CTNND2: variants seen among roughly 807,000 people sequenced by gnomAD.
CTNND2 encodes the protein catenin delta-2.
In CTNND2, 22 loss-of-function variants were observed where a neutral mutation model predicts 144.4. The ratio of observed to expected loss-of-function variants is 0.15; its 90% CI spans 0.11 to 0.22. The LOEUF is 0.22. CTNND2 is among the 10% of genes least tolerant of loss of function. The probability of loss-of-function intolerance (pLI) is 1.00; values close to 1 mark genes in which losing one functional copy is unlikely to be tolerated. For missense variants in CTNND2, 1,353 were observed against 1,618.8 expected (o/e 0.84, Z 2.82); for synonymous variants, 751 against 695.6 (o/e 1.08, Z -1.25).
rs927315516 is a variant in CTNND2 at position 11,199,771 on chromosome 5, G to A, written c.1762-110C>T. 4 of 749,182 alleles carry A rather than the reference G, an allele frequency of 5.3e-6. No homozygotes were observed. In the East Asian group the frequency reaches 1.0e-4, roughly 20 times the overall value. The allele number at this position is 749,182 out of a possible 1,614,324, so 46.4% of individuals were successfully genotyped here. On this transcript the variant is annotated intron_variant, in intron 10 of 21. Transcript: ENST00000304623. ...TGCTAACAATTAATCGCACCAAACT[G>A]AATTAAGGCATACAAAAGGAAACAA...
At chr5:11,460,045 A>ACCC (rs1437612498) in intron 3 of CTNND2, among the ~76,000 whole-genome samples, 3 of 152,222 alleles carry the variant, frequency 2.0e-5, no homozygotes, top group Non-Finnish European at 2.9e-5. Context: ...CATGTTGACA[A>ACCC]GATCACCCGA....
chr5:11,548,157 T>C (rs1471039883), intron 3 of CTNND2, among the ~76,000 whole-genome samples: 2 of 152,214 alleles, frequency 1.3e-5, no homozygotes, highest in African/African-American at 2.4e-5. Flanking sequence ...AACATATTTA[T>C]GTAAAATTCA....
chr5:11,434,875 T>TC (rs1427717897), intron 3 of CTNND2, among the ~76,000 whole-genome samples: 4 of 152,022 alleles, frequency 2.6e-5, no homozygotes, highest in African/African-American at 9.7e-5. Flanking sequence ...GGCCAAATTC[T>TC]CCAAGTAAAT....
intron 7 of CTNND2, among the ~76,000 whole-genome samples, chr5:11,368,543 A>T (rs1379063672): frequency 1.3e-5 from 2 of 152,188 alleles, no homozygotes; most frequent in East Asian, 3.8e-4. Flanking sequence ...CTATGTTGAC[A>T]CGTTTAATCC....
At chr5:11,751,750 G>A (rs1006549552) in intron 1 of CTNND2, among the ~76,000 whole-genome samples, 2 of 151,864 alleles carry the variant, frequency 1.3e-5, no homozygotes, top group African/African-American at 4.8e-5. Context: ...TTGCTGGGTT[G>A]AATGACACTT....
At chr5:11,245,418 A>G (rs1016292468) in intron 9 of CTNND2, among the ~76,000 whole-genome samples, 1 of 152,198 alleles carries the variant, frequency 6.6e-6, no homozygotes, top group Non-Finnish European at 1.5e-5. Context: ...AAATGCCATC[A>G]TAAGTGTCCT....
chr5:11,591,444 CT>C (rs538886686), intron 2 of CTNND2, among the ~76,000 whole-genome samples: 1 of 152,208 alleles, frequency 6.6e-6, no homozygotes, highest in Admixed American at 6.5e-5. Context: ...CATCTATTGC[CT>C]TTTTTTCTCT....
At chr5:11,585,474 T>TTATCTATCTATATC (rs1265521695) in intron 2 of CTNND2, among the ~76,000 whole-genome samples, 8 of 96,708 alleles carry the variant, frequency 8.3e-5, no homozygotes, top group African/African-American at 3.1e-4. Flanking sequence ...TTTATATATT[T>TTATCTATCTATATC]TATCTATGTA....
At chr5:11,853,427 T>C (rs1582007477) in intron 1 of CTNND2, among the ~76,000 whole-genome samples, 1 of 152,286 alleles carries the variant, frequency 6.6e-6, no homozygotes, top group South Asian at 2.1e-4. Flanking sequence ...CTCAGTGGTC[T>C]TACCACCTCC....
At chr5:11,352,048 A>G (rs528682192) in intron 8 of CTNND2, among the ~76,000 whole-genome samples, 12 of 152,342 alleles carry the variant, frequency 7.9e-5, no homozygotes, top group Admixed American at 7.2e-4. Flanking sequence ...TGTACTCAGC[A>G]CAAGTTGATC....
chr5:11,202,175 C>A (rs1331705805), intron 10 of CTNND2, among the ~76,000 whole-genome samples: 1 of 152,010 alleles, frequency 6.6e-6, no homozygotes, highest in Admixed American at 6.6e-5. Flanking sequence ...GCATTTTATT[C>A]ATATGTATAT....
At chr5:11,180,477 A>G (rs901491607) in intron 11 of CTNND2, among the ~76,000 whole-genome samples, 3 of 152,222 alleles carry the variant, frequency 2.0e-5, no homozygotes, top group African/African-American at 7.2e-5. Context: ...AGAAAGAAAC[A>G]TAATAGCGAT....
In CTNND2 at chr5:11,022,942, T is replaced by A; in HGVS notation, c.2826A>T (p.Pro942=). The A allele has an allele frequency of 6.2e-7, 1 of 1,614,168 alleles. No individual in the cohort carries two copies. The highest frequency in any genetic ancestry group is 1.3e-5 in the African/African-American group (1 of 75,028). Residue 942 remains proline (P), a synonymous_variant, in exon 17 of 22, where the codon CCA becomes CCT. Transcript: ENST00000304623. ...YAMRDLVHRL[P]GGNNSNNTAS... ...CAGTGTTGTTGCTGTTGTTCCCTCC[T>A]GGAAGCCTGTGGACTAGGTCTCGCA...
chr5:11,424,796 T>C (rs1374821823), intron 3 of CTNND2, among the ~76,000 whole-genome samples: 1 of 151,998 alleles, frequency 6.6e-6, no homozygotes, highest in Non-Finnish European at 1.5e-5. Flanking sequence ...TTTAAAAGAT[T>C]GGGAATAGTG....
At chr5:11,260,948 C>T (rs902927595) in intron 9 of CTNND2, among the ~76,000 whole-genome samples, 2 of 152,014 alleles carry the variant, frequency 1.3e-5, no homozygotes, top group South Asian at 4.2e-4. Context: ...GTAATTATGA[C>T]GGGCCTGAGA....
chr5:11,681,193 A>G (rs1784408107), intron 2 of CTNND2, among the ~76,000 whole-genome samples: 1 of 152,202 alleles, frequency 6.6e-6, no homozygotes, highest in African/African-American at 2.4e-5. Context: ...TAAGAGGAAA[A>G]CCAAAGGAGA....
chr5:11,689,357 C>T (rs1022808708), intron 2 of CTNND2, among the ~76,000 whole-genome samples: 3 of 152,138 alleles, frequency 2.0e-5, no homozygotes, highest in Non-Finnish European at 4.4e-5. Flanking sequence ...GATGGTAAAA[C>T]ATAATTAAAA....
chr5:11,903,491 G>C lies in CTNND2; in HGVS notation c.37+326C>G. The stretch of plus-strand genomic sequence containing the variant: ...ATGAATGCACCGAGTATGTTCTCAG[G>C]GTGGCGGGGAGCAGCATTGTCGGTG... On this transcript the variant is annotated intron_variant, in intron 1 of 21. Coordinates refer to ENST00000304623, the MANE Select transcript of CTNND2 (RefSeq NM_001332.4). This position sits in a 1 kb window ranked among gnomAD's most constrained non-coding sequence, Gnocchi z 5.4. 1.4e-6 allele frequency: 1 copy of C among 719,430 alleles called. No homozygotes were observed. The highest frequency in any genetic ancestry group is 1.9e-6 in the Non-Finnish European group (1 of 528,156). 44.6% of individuals were successfully genotyped at this position (719,430 alleles called of 1,614,324 possible).
chr5:11,380,317 T>C (rs1758351403), intron 7 of CTNND2, among the ~76,000 whole-genome samples: 1 of 152,212 alleles, frequency 6.6e-6, no homozygotes, highest in Non-Finnish European at 1.5e-5. Context: ...TCTTCTTCCT[T>C]GCACACCCAA....
Sources: gnomAD v4.1 joint callset for allele counts (sites outside exome capture counted in the v4.1 genomes callset) on GRCh38, gnomAD v4.1.1 for gene constraint, Gnocchi (gnomAD v3.1) non-coding constraint, MANE v1.5 for transcripts, NCBI Gene and HGNC (gene_info 2026-07-23, HGNC 2026-07-21) for gene names.